GRM7: variants seen among roughly 807,000 people sequenced by gnomAD.
GRM7 encodes the protein glutamate metabotropic receptor 7.
Under a neutral mutation model 84.5 loss-of-function variants are expected in GRM7, and 35 were observed. That is an observed-to-expected ratio of 0.41 (90% CI 0.32 to 0.55). The LOEUF is 0.55. GRM7 is among the 20% of genes least tolerant of loss of function. The pLI is 0.19. For missense variants in GRM7, 1,003 were observed against 1,194.6 expected (o/e 0.84, Z 2.36); for synonymous variants, 487 against 455.1 (o/e 1.07, Z -0.89).
At chr3:7,681,569 C>T (rs1700369412) in intron 9 of GRM7, 1 of 152,138 alleles carries the variant, frequency 6.6e-6, no homozygotes, top group African/African-American at 2.4e-5. Flanking sequence ...GACTTTGTGA[C>T]AGAAGTCCTA....
chr3:6,912,109 GTTA>G (rs1345265138), intron 1 of GRM7, among the ~76,000 whole-genome samples: 1 of 151,950 alleles, frequency 6.6e-6, no homozygotes, highest in Non-Finnish European at 1.5e-5. Flanking sequence ...TCTTCTTAAG[GTTA>G]TTAAGTATTT....
rs1215853955 is a variant in GRM7, at chr3:7,377,959, G to A, written c.1034-37064G>A. On this transcript the variant is annotated intron_variant, in intron 4 of 9. Coordinates refer to ENST00000357716, the MANE Select transcript of GRM7 (RefSeq NM_000844.4). ...CTGACACGGTGGTTCTCAGTCACAT[G>A]GAACTTCTGTGCCTTTCATTTCCCA... 1.3e-5 allele frequency among the ~76,000 whole-genome samples: 2 copies of A among 152,126 alleles called. 1 individual carries two copies. The highest frequency in any genetic ancestry group is 4.1e-4 in the South Asian group (2 of 4,826).
At position 6,931,040 on chromosome 3, in the gene GRM7, G is replaced by A. The variant is rs541614000; in HGVS notation, c.519+69133G>A. ...GCTTCTATCAATTCTAGCACCTAAAGGAGCCAGGCTTTGTATCCATTTATA... is the reference window on the plus strand; with the variant it reads ...GCTTCTATCAATTCTAGCACCTAAAAGAGCCAGGCTTTGTATCCATTTATA... On this transcript the variant is annotated intron_variant, in intron 1 of 9. Coordinates refer to ENST00000357716, the MANE Select transcript of GRM7 (RefSeq NM_000844.4). Among the ~76,000 whole-genome samples the A allele has an allele frequency of 2.0e-5, 3 of 152,248 alleles. No homozygotes were observed. In the South Asian group the frequency reaches 6.2e-4, roughly 32 times the overall value.
intron 4 of GRM7, among the ~76,000 whole-genome samples, chr3:7,414,410 C>T (rs534997561): frequency 6.6e-6 from 1 of 152,070 alleles, no homozygotes; most frequent in East Asian, 1.9e-4. Flanking sequence ...TGAGCCTAGG[C>T]CTTGGGACAC....
At chr3:6,908,384 C>T (rs1696653358) in intron 1 of GRM7, among the ~76,000 whole-genome samples, 2 of 152,200 alleles carry the variant, frequency 1.3e-5, no homozygotes, top group Non-Finnish European at 1.5e-5. Context: ...ACTCAATGCA[C>T]TTAAGCTTGC....
intron 2 of GRM7, among the ~76,000 whole-genome samples, chr3:7,206,390 C>G (rs1696241009): frequency 1.3e-5 from 2 of 152,154 alleles, no homozygotes; most frequent in African/African-American, 4.8e-5. Context: ...ATTAGGCAAA[C>G]CAATTTATTG....
At chr3:7,136,950 A>C (rs1445723392) in intron 1 of GRM7, among the ~76,000 whole-genome samples, 1 of 152,158 alleles carries the variant, frequency 6.6e-6, no homozygotes, top group Non-Finnish European at 1.5e-5. Context: ...AGAAGAACCC[A>C]TCAATTGACC....
At chr3:7,455,681 T>G (rs1273957106) in intron 6 of GRM7, among the ~76,000 whole-genome samples, 1 of 152,150 alleles carries the variant, frequency 6.6e-6, no homozygotes, top group Non-Finnish European at 1.5e-5. Context: ...ATAAAGGAAC[T>G]GTTTCTGACT....
At chr3:7,701,650 G>A (rs1056853108) in intron 9 of GRM7, among the ~76,000 whole-genome samples, 16 of 152,162 alleles carry the variant, frequency 1.1e-4, no homozygotes, top group South Asian at 2.1e-4. Flanking sequence ...ATTGAAGGAG[G>A]GTAATTAAAC....
At chr3:6,965,309 CT>C (rs1338159274) in intron 1 of GRM7, among the ~76,000 whole-genome samples, 1 of 151,962 alleles carries the variant, frequency 6.6e-6, no homozygotes, top group Non-Finnish European at 1.5e-5. Flanking sequence ...TTCCTCTTAT[CT>C]TTTTATTTTT....
chr3:6,868,989 A>C (rs753980049), intron 1 of GRM7, among the ~76,000 whole-genome samples: 1 of 152,180 alleles, frequency 6.6e-6, no homozygotes, highest in Non-Finnish European at 1.5e-5. Context: ...TAAAGGGCTC[A>C]GTGTAGTCTT....
At chr3:6,869,735 T>C (rs1220863837) in intron 1 of GRM7, among the ~76,000 whole-genome samples, 2 of 152,136 alleles carry the variant, frequency 1.3e-5, no homozygotes, top group African/African-American at 2.4e-5. Context: ...AATGAAACTT[T>C]TTATGGAACT....
At chr3:6,959,691 G>A (rs950078992) in intron 1 of GRM7, among the ~76,000 whole-genome samples, 6 of 152,110 alleles carry the variant, frequency 3.9e-5, no homozygotes, top group African/African-American at 1.4e-4. Context: ...TTTAAAATAG[G>A]AAGTCCCAGA....
intron 1 of GRM7, among the ~76,000 whole-genome samples, chr3:6,950,346 C>G (rs894221646): frequency 2.6e-5 from 4 of 152,182 alleles, no homozygotes; most frequent in African/African-American, 9.7e-5. Context: ...GCCTGGGTAT[C>G]AGCAGCAGTG....
rs138635346 is a variant in GRM7, at chr3:7,554,789, G to A, written c.1516-23633G>A. On this transcript the variant is annotated intron_variant, in intron 7 of 9. Transcript: ENST00000357716. ...CAGCAGGTTGATAGCCATAAGGCAG[G>A]ATATTGATGGACAAAGTCCTATGGA... Among the ~76,000 whole-genome samples, 813 of 152,334 alleles carry A rather than the reference G, an allele frequency of 5.3e-3. 7 individuals are homozygous for A. Among genetic ancestry groups the A allele is most frequent in the Middle Eastern group, 0.014 (4 of 294 alleles).
chr3:7,423,177 C>G (rs554168598), intron 5 of GRM7, among the ~76,000 whole-genome samples: 26 of 152,268 alleles, frequency 1.7e-4, no homozygotes, highest in African/African-American at 5.8e-4. Context: ...CCATACAGCA[C>G]TTTAAGTCAC....
chr3:7,013,538 C>T (rs1393827426), intron 1 of GRM7, among the ~76,000 whole-genome samples: 1 of 152,198 alleles, frequency 6.6e-6, no homozygotes, highest in Non-Finnish European at 1.5e-5. Context: ...TCAACGTTCA[C>T]ATATTCTTAA....
intron 8 of GRM7, among the ~76,000 whole-genome samples, chr3:7,647,470 C>T (rs1228819352): frequency 6.6e-6 from 1 of 152,036 alleles, no homozygotes; most frequent in Non-Finnish European, 1.5e-5. Context: ...TACAAGGGCA[C>T]CCAAAGAGGC....
chr3:7,293,432 C>T (rs1287123674), intron 2 of GRM7, among the ~76,000 whole-genome samples: 1 of 152,172 alleles, frequency 6.6e-6, no homozygotes, highest in East Asian at 1.9e-4. Context: ...ATGTATCACT[C>T]TCTCAAGCCT....
Sources: gnomAD v4.1 joint callset for allele counts (sites outside exome capture counted in the v4.1 genomes callset) on GRCh38, gnomAD v4.1.1 for gene constraint, MANE v1.5 for transcripts, NCBI Gene and HGNC (gene_info 2026-07-23, HGNC 2026-07-21) for gene names.